Variants in NSUN7 observed in about 807,000 individuals in gnomAD.
NSUN7 encodes protein NSUN7.
Under a neutral mutation model 58.5 loss-of-function variants are expected in NSUN7, and 39 were observed. The observed-to-expected ratio is 0.67, with a 90% CI of 0.52 to 0.87. NSUN7 has a LOEUF of 0.87. NSUN7 is among the 40% of genes least tolerant of loss of function. The pLI is 0.00. For missense variants in NSUN7, 765 were observed against 844.1 expected, an observed-to-expected ratio of 0.91 and a Z score of 1.16; for synonymous variants, 278 against 303.7, an observed-to-expected ratio of 0.92 and a Z score of 0.88.
Position 40,794,364 on chromosome 4 carries a change from T to G in NSUN7, c.1181-11T>G. 2 of 1,532,644 alleles carry G rather than the reference T, an allele frequency of 1.3e-6. No individual in the cohort carries two copies. Among genetic ancestry groups the G allele is most frequent in the Non-Finnish European group, 1.8e-6 (2 of 1,112,546 alleles). The allele number at this position is 1,532,644 out of a possible 1,614,324, so 94.9% of individuals were successfully genotyped here. On this transcript the variant is annotated splice_polypyrimidine_tract_variant and intron_variant, in intron 8 of 11. Coordinates refer to ENST00000381782, the MANE Select transcript of NSUN7 (RefSeq NM_024677.6). ...GTGCTATATTTAAAAGCATTTCTTT[T>G]TAAAATTCAGATACAGAATTCCTTA... is the stretch of plus-strand genomic sequence containing the variant.
chr4:40,769,948 G>A (rs895719210), intron 4 of NSUN7, among the ~76,000 whole-genome samples: 23 of 152,114 alleles, frequency 1.5e-4, no homozygotes, highest in African/African-American at 4.8e-4. Flanking sequence ...GGTGGCTCAC[G>A]CCTGTAATCC....
Position 40,749,955 on chromosome 4 carries a change from A to G in NSUN7, c.-437A>G, listed in dbSNP as rs76539927. 6.6e-6 allele frequency: 1 copy of G among 151,938 alleles called. No individual in the cohort carries two copies. The highest frequency in any genetic ancestry group is 1.5e-5 in the Non-Finnish European group (1 of 68,012). The allele number at this position is 151,938 out of a possible 1,614,324, so 9.4% of individuals were successfully genotyped here. A position where few individuals can be genotyped will look rare whatever the true frequency, so the allele number is the denominator to read the frequency against. On this transcript the variant is annotated 5_prime_UTR_variant, in exon 1 of 12. Coordinates refer to ENST00000381782, the MANE Select transcript of NSUN7 (RefSeq NM_024677.6). ...TGCCATGAAGACCCGGTCCGGGAGC[A>G]GTCGACTGCCGGAGACTCGGGAGGC... is the stretch of plus-strand genomic sequence containing the variant.
chr4:40,807,683 C>T (rs1204752722), intron 11 of NSUN7, among the ~76,000 whole-genome samples: 1 of 152,086 alleles, frequency 6.6e-6, no homozygotes, highest in African/African-American at 2.4e-5. Flanking sequence ...TGTTCCTCTT[C>T]TGCCTGGCTG....
At chr4:40,774,148 T>A in intron 4 of NSUN7, 117 bp from the exon 5 acceptor site, 1 of 971,500 alleles carries the variant, frequency 1.0e-6, no homozygotes, top group Non-Finnish European at 1.6e-6. Flanking sequence ...ACTTCAAAAA[T>A]TTGAAATAGA....
intron 9 of NSUN7, among the ~76,000 whole-genome samples, chr4:40,794,840 A>C (rs1743249177): frequency 6.6e-6 from 1 of 152,212 alleles, no homozygotes; most frequent in Admixed American, 6.5e-5. Context: ...CAACTCTTCT[A>C]CAGTCCAAAT....
chr4:40,806,155 C>T (rs562616463), intron 10 of NSUN7, among the ~76,000 whole-genome samples: 5 of 152,136 alleles, frequency 3.3e-5, no homozygotes, highest in East Asian at 1.9e-4. Context: ...CCACCACACC[C>T]GGCTAATTTT....
chr4:40,796,505 G>A (rs1467713215), intron 9 of NSUN7, among the ~76,000 whole-genome samples: 1 of 151,908 alleles, frequency 6.6e-6, no homozygotes, highest in African/African-American at 2.4e-5. Flanking sequence ...TCTAGGCATG[G>A]GGGCATGCAG....
At chr4:40,771,119 T>G (rs989314314) in intron 4 of NSUN7, among the ~76,000 whole-genome samples, 1 of 152,148 alleles carries the variant, frequency 6.6e-6, no homozygotes, top group African/African-American at 2.4e-5. Context: ...AACTGACAGA[T>G]TCTGCAAAAG....
intron 10 of NSUN7, among the ~76,000 whole-genome samples, chr4:40,803,804 T>C (rs964719099): frequency 1.3e-5 from 2 of 152,214 alleles, no homozygotes; most frequent in African/African-American, 4.8e-5. Context: ...CCAGCAACAC[T>C]TGTGGAAAAG....
At chr4:40,777,276 G>A (rs1268502472) in intron 7 of NSUN7, among the ~76,000 whole-genome samples, 1 of 152,120 alleles carries the variant, frequency 6.6e-6, no homozygotes, top group Non-Finnish European at 1.5e-5. Context: ...CCCTCTGGAG[G>A]AAAACAACAT....
chr4:40,785,746 G>T (rs565990391), intron 7 of NSUN7, among the ~76,000 whole-genome samples: 1 of 152,352 alleles, frequency 6.6e-6, no homozygotes, highest in African/African-American at 2.4e-5. Flanking sequence ...GGAACTTAAC[G>T]ATTGTAAAAA....
In NSUN7 at chr4:40,808,959, G is replaced by A; in HGVS notation, c.*20G>A. On this transcript the variant is annotated 3_prime_UTR_variant, in exon 12 of 12. Coordinates refer to ENST00000381782, the MANE Select transcript of NSUN7 (RefSeq NM_024677.6). ...CTTTGATTGTCTTGTGTTTTTTATAGGGGCCAAAGAGCAGTTGATTTTTTT... is the reference window on the plus strand; with the variant it reads ...CTTTGATTGTCTTGTGTTTTTTATAAGGGCCAAAGAGCAGTTGATTTTTTT... The A allele has an allele frequency of 4.7e-6, 7 of 1,494,850 alleles. No individual in the cohort carries two copies. Among genetic ancestry groups the A allele is most frequent in the Non-Finnish European group, 6.2e-6 (7 of 1,124,800 alleles). The allele number at this position is 1,494,850 out of a possible 1,614,324, so 92.6% of individuals were successfully genotyped here.
chr4:40,750,435 CCCT>C (rs1740752875), intron 1 of NSUN7, 135 bp downstream of exon 1: 1 of 452,952 alleles, frequency 2.2e-6, no homozygotes. Flanking sequence ...GCCGCTGCAC[CCCT>C]CCTCGCTTTT....
At chr4:40,781,363 C>T (rs1742557261) in intron 7 of NSUN7, among the ~76,000 whole-genome samples, 1 of 152,088 alleles carries the variant, frequency 6.6e-6, no homozygotes, top group Non-Finnish European at 1.5e-5. Context: ...AAATATTATA[C>T]ATTAAACACA....
At chr4:40,751,708 C>T (rs1187708816) in intron 2 of NSUN7, among the ~76,000 whole-genome samples, 1 of 152,028 alleles carries the variant, frequency 6.6e-6, no homozygotes. Flanking sequence ...AGTTATCAAT[C>T]TGAGGCCAAG....
chr4:40,782,112 C>T (rs975813685), intron 7 of NSUN7, among the ~76,000 whole-genome samples: 1 of 152,074 alleles, frequency 6.6e-6, no homozygotes, highest in African/African-American at 2.4e-5. Context: ...AGTAAGGTTG[C>T]AGGATACAAA....
intron 4 of NSUN7, among the ~76,000 whole-genome samples, chr4:40,766,036 A>G (rs906644417): frequency 6.6e-6 from 1 of 152,162 alleles, no homozygotes; most frequent in African/African-American, 2.4e-5. Context: ...AACAGGGACA[A>G]TTTGACTTCC....
At chr4:40,755,412 C>T (rs1741093162) in intron 2 of NSUN7, among the ~76,000 whole-genome samples, 1 of 151,710 alleles carries the variant, frequency 6.6e-6, no homozygotes. Flanking sequence ...AAATAAAAAC[C>T]TGGCAATTTT....
intron 2 of NSUN7, among the ~76,000 whole-genome samples, chr4:40,756,109 T>A (rs6447388): frequency 0.47 from 71,600 of 151,904 alleles, 17,196 homozygotes; most frequent in Admixed American, 0.6. Context: ...AGTACCTTTG[T>A]CAGACAAGAT....
Sources: allele counts gnomAD v4.1 joint callset (sites outside exome capture counted in the v4.1 genomes callset), GRCh38; gene constraint gnomAD v4.1.1; transcripts MANE v1.5; gene names NCBI Gene and HGNC (gene_info 2026-07-23, HGNC 2026-07-21).